Variants in SGK2 observed in about 807,000 individuals in gnomAD.
SGK2 encodes the protein serum/glucocorticoid regulated kinase 2, also known as serine/threonine-protein kinase Sgk2.
SGK2 carries 36 observed loss-of-function variants against 47.5 expected under a neutral mutation model. That is an observed-to-expected ratio of 0.76 (90% CI 0.58 to 1.00). SGK2 has a LOEUF of 1.00. SGK2 is among the 50% of genes least tolerant of loss of function. The probability of loss-of-function intolerance (pLI) is 0.00; values close to 1 mark genes in which losing one functional copy is unlikely to be tolerated. For missense variants in SGK2, 404 were observed against 467.4 expected (o/e 0.86, Z 1.25); for synonymous variants, 157 against 181.9 (o/e 0.86, Z 1.10).
intron 5 of SGK2, among the ~76,000 whole-genome samples, chr20:43,568,424 C>A (rs1180929786): frequency 6.6e-6 from 1 of 152,230 alleles, no homozygotes; most frequent in East Asian, 1.9e-4. Flanking sequence ...AATCCTCCCG[C>A]CTCAGCCTCC....
chr20:43,560,278 C>T lies in SGK2; in HGVS notation c.-24+1119C>T, dbSNP rs1979302207. ...CTTTGGGAGGCCGAGGCAGGCGGATCACCTGAGGTCAGGAGTTTGAGACCA... is the reference window on the plus strand; with the variant it reads ...CTTTGGGAGGCCGAGGCAGGCGGATTACCTGAGGTCAGGAGTTTGAGACCA... On this transcript the variant is annotated intron_variant, in intron 1 of 12. Transcript: ENST00000373100. Among the ~76,000 whole-genome samples the T allele has an allele frequency of 2.0e-5, 3 of 152,282 alleles. No individual in the cohort carries two copies. In the South Asian group the frequency reaches 6.2e-4, roughly 32 times the overall value.
chr20:43,564,011 A>T (rs1408691066), intron 1 of SGK2, among the ~76,000 whole-genome samples: 1 of 152,154 alleles, frequency 6.6e-6, no homozygotes, highest in African/African-American at 2.4e-5. Flanking sequence ...CCCCTGTAGT[A>T]TACTGTAGCC....
At chr20:43,573,742 G>A (rs571838642) in intron 9 of SGK2, among the ~76,000 whole-genome samples, 1 of 152,172 alleles carries the variant, frequency 6.6e-6, no homozygotes, top group Non-Finnish European at 1.5e-5. Flanking sequence ...GCTGATGGTC[G>A]GATGAACTCT....
intron 1 of SGK2, among the ~76,000 whole-genome samples, chr20:43,562,577 C>CT (rs1204995452): frequency 6.7e-6 from 1 of 150,270 alleles, no homozygotes; most frequent in Non-Finnish European, 1.5e-5. Context: ...CCAGTCTCTA[C>CT]TAAAAATACA....
At chr20:43,570,368 G>A (rs1414979449) in intron 6 of SGK2, among the ~76,000 whole-genome samples, 1 of 152,190 alleles carries the variant, frequency 6.6e-6, no homozygotes. Context: ...AAGAGATGTG[G>A]AAGGGCCTGA....
chr20:43,572,082 G>A lies in SGK2; in HGVS notation c.542G>A (p.Cys181Tyr), dbSNP rs754940218. Residue 181 changes from cysteine (C) to tyrosine (Y), a missense_variant, in exon 9 of 13, where the codon TGC (cysteine) becomes TAC (tyrosine). By Grantham distance (194) the Cys-to-Tyr change is radical (BLOSUM62 -2). Transcript: ENST00000373100. This position sits in a 1 kb window ranked among gnomAD's most constrained non-coding sequence, Gnocchi z 4.2. ...GTGGTGCTGACGGATTTTGGCCTCTGCAAGGAAGGTGTAGAGCCTGAAGAC... is the reference window on the plus strand; with the variant it reads ...GTGGTGCTGACGGATTTTGGCCTCTACAAGGAAGGTGTAGAGCCTGAAGAC... ...GHVVLTDFGLCKEGVEPEDTT... is the reference protein window; with the variant it reads ...GHVVLTDFGLYKEGVEPEDTT... 6.5e-7 allele frequency: 1 copy of A among 1,550,106 alleles called. No individual in the cohort carries two copies. The highest frequency in any genetic ancestry group is 1.2e-5 in the South Asian group (1 of 84,012).
intron 11 of SGK2, among the ~76,000 whole-genome samples, chr20:43,579,011 CTTTTTTTTTTTTTT>C (rs10523244): frequency 1.4e-5 from 2 of 143,772 alleles, no homozygotes; most frequent in Non-Finnish European, 1.5e-5. Context: ...CTTTCGGAGG[CTTTTTTTTTTTTTT>C]TTTTTTTTTT....
intron 5 of SGK2, 133 bp downstream of exon 5, chr20:43,568,132 G>A: frequency 1.5e-6 from 1 of 675,442 alleles, no homozygotes; most frequent in Non-Finnish European, 2.6e-6. Context: ...AAAGGGTAGA[G>A]GGGAGGTGGT....
intron 10 of SGK2, among the ~76,000 whole-genome samples, chr20:43,575,350 T>C (rs1319542097): frequency 6.6e-6 from 1 of 150,566 alleles, no homozygotes; most frequent in Non-Finnish European, 1.5e-5. Flanking sequence ...GTAATCCCAG[T>C]TATTCGGCAG....
intron 1 of SGK2, among the ~76,000 whole-genome samples, chr20:43,563,779 G>T (rs892832806): frequency 6.6e-6 from 1 of 152,204 alleles, no homozygotes; most frequent in Non-Finnish European, 1.5e-5. Flanking sequence ...AAATGTCCTT[G>T]TTCTGGGTAT....
intron 9 of SGK2, among the ~76,000 whole-genome samples, chr20:43,574,631 C>T (rs1310861274): frequency 1.3e-5 from 2 of 152,200 alleles, no homozygotes; most frequent in Admixed American, 6.5e-5. Flanking sequence ...ATGAGTGCAG[C>T]CCCCTTTACC....
intron 12 of SGK2, 121 bp from the exon 13 acceptor site, chr20:43,584,731 G>T (rs920379120): frequency 3.0e-5 from 22 of 729,350 alleles, no homozygotes; most frequent in Admixed American, 9.1e-5. Flanking sequence ...TGACAGTCAA[G>T]TATGGATGAC....
intron 12 of SGK2, chr20:43,583,737 G>C (rs1416018300): frequency 7.7e-6 from 3 of 389,244 alleles, no homozygotes; most frequent in Non-Finnish European, 1.1e-5. Flanking sequence ...ATGAGGCCGA[G>C]CTATTAGCAT....
At chr20:43,560,526 C>T (rs6030957) in intron 1 of SGK2, among the ~76,000 whole-genome samples, 4,439 of 151,632 alleles carry the variant, frequency 0.029, 205 homozygotes, top group African/African-American at 0.1. Flanking sequence ...GTTAAAATAA[C>T]CTAACCTAAG....
intron 1 of SGK2, chr20:43,565,972 A>G (rs966045829): frequency 5.0e-6 from 1 of 198,076 alleles, no homozygotes; most frequent in African/African-American, 2.3e-5. Flanking sequence ...GACTGCGCAC[A>G]GTAATTCAGG....
At chr20:43,574,206 GC>G (rs1980329486) in intron 9 of SGK2, among the ~76,000 whole-genome samples, 1 of 152,106 alleles carries the variant, frequency 6.6e-6, no homozygotes, top group South Asian at 2.1e-4. Context: ...CTGAGACCTT[GC>G]CCCCGACTCG....
intron 1 of SGK2, chr20:43,565,001 GC>G (rs1979603643): frequency 6.6e-6 from 1 of 152,574 alleles, no homozygotes; most frequent in Non-Finnish European, 1.5e-5. Flanking sequence ...CTCCAGGGCT[GC>G]CCTGGGGCTA....
intron 11 of SGK2, among the ~76,000 whole-genome samples, chr20:43,576,668 C>T (rs562991200): frequency 2.8e-4 from 42 of 152,282 alleles, no homozygotes; most frequent in African/African-American, 9.6e-4. Context: ...GGGCCGGGTG[C>T]GGCATACACG....
rs768509293 is a variant in SGK2 at position 43,571,076 on chromosome 20, TG to T, written c.510+17del. The T allele has an allele frequency of 1.3e-5, 21 of 1,578,478 alleles. 1 individual carries two copies. In the South Asian group the frequency reaches 2.2e-4, roughly 17 times the overall value. On this transcript the variant is annotated intron_variant, in intron 8 of 12. Coordinates refer to ENST00000373100, the MANE Select transcript of SGK2 (RefSeq NM_170693.3). ...GGACTGCCAGGTTGGTGTGTGTGTG[TG>T]TGTGTGTGTGTGTGTGTGTGTGTGT...
Sources: gnomAD v4.1 joint callset for allele counts (sites outside exome capture counted in the v4.1 genomes callset) on GRCh38, gnomAD v4.1.1 for gene constraint, Gnocchi (gnomAD v3.1) non-coding constraint, MANE v1.5 for transcripts, NCBI Gene and HGNC (gene_info 2026-07-23, HGNC 2026-07-21) for gene names.